EPC2: variants seen among roughly 807,000 people sequenced by gnomAD.
EPC2 encodes enhancer of polycomb 2.
A neutral mutation model predicts 92.1 loss-of-function variants in EPC2; 14 were observed. The ratio of observed to expected loss-of-function variants is 0.15; its 90% CI spans 0.10 to 0.24. The LOEUF is 0.24. EPC2 is among the 10% of genes least tolerant of loss of function. The pLI is 1.00. For missense variants in EPC2, 755 were observed against 971.5 expected (o/e 0.78, Z 2.96); for synonymous variants, 340 against 334.7 (o/e 1.02, Z -0.17).
chr2:148,675,841 C>G (rs1263711367), intron 1 of EPC2, among the ~76,000 whole-genome samples: 1 of 152,172 alleles, frequency 6.6e-6, no homozygotes, highest in Non-Finnish European at 1.5e-5. Context: ...GGCATTCAGT[C>G]AGCTATCTTT....
At chr2:148,734,127 T>C (rs984665054) in intron 2 of EPC2, among the ~76,000 whole-genome samples, 2 of 152,176 alleles carry the variant, frequency 1.3e-5, no homozygotes, top group Non-Finnish European at 2.9e-5. Context: ...ATATATGGAC[T>C]CACAGAATAA....
At chr2:148,685,578 G>A (rs1229911087) in intron 1 of EPC2, among the ~76,000 whole-genome samples, 2 of 152,136 alleles carry the variant, frequency 1.3e-5, no homozygotes, top group Non-Finnish European at 2.9e-5. Context: ...GGCTAACACG[G>A]TGAAACACCG....
At chr2:148,665,228 G>A (rs1364437116) in intron 1 of EPC2, among the ~76,000 whole-genome samples, 1 of 152,016 alleles carries the variant, frequency 6.6e-6, no homozygotes, top group African/African-American at 2.4e-5. Flanking sequence ...TATCTGTATG[G>A]GTTATCTGTC....
At chr2:148,645,219 CT>C (rs1271071430) in intron 1 of EPC2, 49 bp downstream of exon 1, 1 of 1,465,842 alleles carries the variant, frequency 6.8e-7, no homozygotes, top group Non-Finnish European at 9.2e-7. Context: ...CCCCCCTCCC[CT>C]TTGTCAGTCG....
At position 148,675,635 on chromosome 2, in the gene EPC2, C is replaced by A. The variant is rs550937324; in HGVS notation, c.154-14579C>A. ...CTAGCTGGTGTTCATAAATCCCTAT[C>A]ATCTCTGATTTTCTGTGGGTCAGAT... On this transcript the variant is annotated intron_variant, in intron 1 of 13. Transcript: ENST00000258484. Among the ~76,000 whole-genome samples, 7 of 152,288 alleles carry A rather than the reference C, an allele frequency of 4.6e-5. No individual in the cohort carries two copies. In the South Asian group the frequency reaches 1.4e-3, roughly 32 times the overall value.
chr2:148,732,485 A>T (rs562534481), intron 2 of EPC2, among the ~76,000 whole-genome samples: 1 of 150,204 alleles, frequency 6.7e-6, no homozygotes, highest in African/African-American at 2.4e-5. Flanking sequence ...GGTTCAAGCG[A>T]TTCTCCTGCC....
At chr2:148,772,939 T>C (rs1261489299) in intron 10 of EPC2, among the ~76,000 whole-genome samples, 1 of 152,170 alleles carries the variant, frequency 6.6e-6, no homozygotes, top group Non-Finnish European at 1.5e-5. Flanking sequence ...ACATATCATA[T>C]AGAGGCATTT....
At chr2:148,663,511 C>T (rs1680989750) in intron 1 of EPC2, among the ~76,000 whole-genome samples, 1 of 151,230 alleles carries the variant, frequency 6.6e-6, no homozygotes, top group African/African-American at 2.4e-5. Context: ...AGCCACTGCG[C>T]CCAGCCAAGT....
intron 2 of EPC2, among the ~76,000 whole-genome samples, chr2:148,690,860 G>A (rs1012080423): frequency 1.3e-5 from 2 of 152,000 alleles, no homozygotes; most frequent in African/African-American, 2.4e-5. Flanking sequence ...ATGGGATTTC[G>A]TCTTGTTGGC....
rs1683766789 is a variant in EPC2 at position 148,645,183 on chromosome 2, G to A, written c.153+13G>A. 6.3e-7 allele frequency: 1 copy of A among 1,597,172 alleles called. No individual in the cohort carries two copies. The highest frequency in any genetic ancestry group is 1.3e-5 in the African/African-American group (1 of 74,168). On this transcript the variant is annotated intron_variant, in intron 1 of 13. Coordinates refer to ENST00000258484, the MANE Select transcript of EPC2 (RefSeq NM_015630.4). Reference sequence around the variant, plus strand: ...GGAGGAGGAATCGGTAGGGACTCGAGTGTTTATTACCCCCCCTTCCCTCCT... The same window carrying A: ...GGAGGAGGAATCGGTAGGGACTCGAATGTTTATTACCCCCCCTTCCCTCCT...
chr2:148,783,662 T>C lies in EPC2; in HGVS notation c.1923T>C (p.Ser641=). 1 of 1,603,488 alleles carries C rather than the reference T, an allele frequency of 6.2e-7. No homozygotes were observed. Among genetic ancestry groups the C allele is most frequent in the Non-Finnish European group, 8.5e-7 (1 of 1,174,544 alleles). The change falls in exon 12 of 14, where the codon TCT becomes TCC. Residue 641 remains serine, a synonymous_variant. Coordinates refer to ENST00000258484, the MANE Select transcript of EPC2 (RefSeq NM_015630.4). ...LDSASAHFAA[S]AVVSAPVPSR... is the part of the protein sequence containing the mutation. ...CAGCCAGCGCCCACTTTGCTGCATC[T>C]GCAGTGGTCAGTGCACCTGTTCCAA... is the stretch of plus-strand genomic sequence containing the variant.
chr2:148,784,494 C>CAGATT (rs1558840449), intron 12 of EPC2, among the ~76,000 whole-genome samples, 174 bp from the exon 13 acceptor site: 1 of 152,180 alleles, frequency 6.6e-6, no homozygotes. Context: ...GGGGTTGTAG[C>CAGATT]AGATTAGTAC....
rs1387403265 is a variant in EPC2 at position 148,753,967 on chromosome 2, A to G, written c.500A>G (p.Asp167Gly). 2 of 1,612,098 alleles carry G rather than the reference A, an allele frequency of 1.2e-6. No homozygotes were observed. Among genetic ancestry groups the G allele is most frequent in the Non-Finnish European group, 1.7e-6 (2 of 1,179,070 alleles). The change falls in exon 4 of 14, where the codon GAT becomes GGT. Residue 167 changes from aspartate (D) to glycine (G), a missense_variant. Physicochemically the swap from Asp to Gly is moderately conservative, Grantham distance 94. Coordinates refer to ENST00000258484, the MANE Select transcript of EPC2 (RefSeq NM_015630.4). ...GAAGCAAAACTGCTGCTAAACGAAG[A>G]TGATTACCTTATTAAAGCTGTATAT... ...LQEAKLLLNE[D>G]DYLIKAVYDY...
chr2:148,727,573 T>C (rs1682523881), intron 2 of EPC2, among the ~76,000 whole-genome samples: 1 of 152,340 alleles, frequency 6.6e-6, no homozygotes, highest in South Asian at 2.1e-4. Flanking sequence ...GTGGAATTTC[T>C]TTTTTTGTAT....
At chr2:148,733,636 T>C (rs911847817) in intron 2 of EPC2, among the ~76,000 whole-genome samples, 11 of 151,676 alleles carry the variant, frequency 7.3e-5, no homozygotes, top group African/African-American at 2.2e-4. Context: ...TAGCTGGTAC[T>C]ACAGGCTTAA....
At chr2:148,726,614 T>C (rs1682499330) in intron 2 of EPC2, among the ~76,000 whole-genome samples, 1 of 152,086 alleles carries the variant, frequency 6.6e-6, no homozygotes. Context: ...TGTTTTTTTG[T>C]TTGTTTTTTA....
At chr2:148,677,268 AG>A (rs967149645) in intron 1 of EPC2, among the ~76,000 whole-genome samples, 2 of 152,208 alleles carry the variant, frequency 1.3e-5, no homozygotes, top group African/African-American at 2.4e-5. Flanking sequence ...AGTTAAATTG[AG>A]GGAGGATGTC....
chr2:148,645,219 C>CA, intron 1 of EPC2, 49 bp downstream of exon 1: 1 of 1,465,842 alleles, frequency 6.8e-7, no homozygotes, highest in Non-Finnish European at 9.2e-7. Context: ...CCCCCCTCCC[C>CA]TTTGTCAGTC....
rs552090557 is a variant in EPC2 at position 148,709,976 on chromosome 2, A to C, written c.313+19603A>C. ...ACTAAAACACCAAAAGCAATGGCAA[A>C]AAAAGCCAAAATTGACAAATGGGAT... On this transcript the variant is annotated intron_variant, in intron 2 of 13. Transcript: ENST00000258484. Among the ~76,000 whole-genome samples the C allele has an allele frequency of 1.0e-2, 1,519 of 152,286 alleles. 32 individuals carry two copies. The highest frequency in any genetic ancestry group is 0.035 in the African/African-American group (1,444 of 41,562).
Sources: allele counts gnomAD v4.1 joint callset (sites outside exome capture counted in the v4.1 genomes callset), GRCh38; gene constraint gnomAD v4.1.1; transcripts MANE v1.5; gene names NCBI Gene and HGNC (gene_info 2026-07-23, HGNC 2026-07-21).